THSD7B: variants seen among roughly 807,000 people sequenced by gnomAD.
THSD7B encodes thrombospondin type 1 domain containing 7B, also known as thrombospondin type-1 domain-containing protein 7B.
In THSD7B, 138 loss-of-function variants were observed where a neutral mutation model predicts 213.6. The ratio of observed to expected loss-of-function variants is 0.65; its 90% CI spans 0.56 to 0.74. THSD7B has a LOEUF of 0.74. Ranked by LOEUF, THSD7B falls within the 30% of genes least tolerant of loss-of-function variation. THSD7B has a pLI of 0.00. For missense variants in THSD7B, 1,931 were observed against 1,991.5 expected (o/e 0.97, Z 0.58); for synonymous variants, 742 against 687.0 (o/e 1.08, Z -1.25).
chr2:137,239,384 T>C (rs970978221), intron 9 of THSD7B, among the ~76,000 whole-genome samples: 6 of 152,170 alleles, frequency 3.9e-5, no homozygotes, highest in Middle Eastern at 3.2e-3. Context: ...AGGTGAACAG[T>C]TGGAAGCCTT....
chr2:137,431,817 T>A (rs1687191856), intron 14 of THSD7B, among the ~76,000 whole-genome samples: 1 of 152,158 alleles, frequency 6.6e-6, no homozygotes, highest in Non-Finnish European at 1.5e-5. Flanking sequence ...ATTTCTGTAA[T>A]TTTAGATTTG....
chr2:137,314,649 T>C (rs1473020855), intron 12 of THSD7B, among the ~76,000 whole-genome samples: 6 of 152,238 alleles, frequency 3.9e-5, no homozygotes, highest in Non-Finnish European at 8.8e-5. Flanking sequence ...TATCTACTTT[T>C]GGTCTTTGAT....
chr2:136,772,660 C>T (rs1681529367), intron 1 of THSD7B, among the ~76,000 whole-genome samples: 1 of 152,026 alleles, frequency 6.6e-6, no homozygotes, highest in Non-Finnish European at 1.5e-5. Flanking sequence ...CTGGTGGGTG[C>T]CTGGGTCACT....
chr2:136,962,699 G>A (rs564790007), intron 2 of THSD7B, among the ~76,000 whole-genome samples: 1 of 152,194 alleles, frequency 6.6e-6, no homozygotes, highest in South Asian at 2.1e-4. Flanking sequence ...AGTTTAGAAA[G>A]AAGTACACAA....
intron 15 of THSD7B, among the ~76,000 whole-genome samples, chr2:137,557,055 AC>A (rs1680986616): frequency 6.6e-6 from 1 of 152,290 alleles, no homozygotes; most frequent in East Asian, 1.9e-4. Flanking sequence ...GTCCTTAGAG[AC>A]CTACAAAGAG....
intron 7 of THSD7B, among the ~76,000 whole-genome samples, chr2:137,192,533 G>C (rs1558953114): frequency 6.6e-6 from 1 of 152,138 alleles, no homozygotes; most frequent in African/African-American, 2.4e-5. Context: ...AAAATTCTAA[G>C]TAGAAAGAAT....
At chr2:137,402,635 G>C (rs773628242) in intron 12 of THSD7B, among the ~76,000 whole-genome samples, 60 of 151,932 alleles carry the variant, frequency 3.9e-4, no homozygotes, top group Non-Finnish European at 7.2e-4. Context: ...TGGCCAACAT[G>C]ATGAAACCCC....
At chr2:137,143,284 G>C (rs957210626) in intron 5 of THSD7B, among the ~76,000 whole-genome samples, 4 of 152,088 alleles carry the variant, frequency 2.6e-5, no homozygotes, top group African/African-American at 9.7e-5. Flanking sequence ...CAGTTTTTGT[G>C]TGTGTAAATC....
chr2:137,332,231 A>C lies in THSD7B; in HGVS notation c.2500+56205A>C, dbSNP rs572150651. ...CCACGGGACAGAGCAGCTGAAGGCCATTGGAGCCTACCTCTCACCTCAGCA... is the reference window on the plus strand; with the variant it reads ...CCACGGGACAGAGCAGCTGAAGGCCCTTGGAGCCTACCTCTCACCTCAGCA... On this transcript the variant is annotated intron_variant, in intron 12 of 27. Transcript: ENST00000409968. Among the ~76,000 whole-genome samples the C allele has an allele frequency of 2.0e-5, 3 of 152,248 alleles. No homozygotes were observed. The East Asian group carries it at 5.8e-4, about 30-fold the overall frequency.
intron 2 of THSD7B, among the ~76,000 whole-genome samples, chr2:136,935,470 G>C (rs1368168198): frequency 6.6e-6 from 1 of 151,974 alleles, no homozygotes; most frequent in Non-Finnish European, 1.5e-5. Flanking sequence ...CATGATGTAG[G>C]GAATAAAACT....
intron 20 of THSD7B, among the ~76,000 whole-genome samples, chr2:137,641,316 T>C (rs1444664601): frequency 3.3e-5 from 5 of 152,224 alleles, no homozygotes; most frequent in Non-Finnish European, 7.3e-5. Flanking sequence ...TGGCGTACTC[T>C]CTCTGCACAT....
intron 20 of THSD7B, among the ~76,000 whole-genome samples, chr2:137,631,930 G>A (rs1682748955): frequency 6.6e-6 from 1 of 152,086 alleles, no homozygotes; most frequent in African/African-American, 2.4e-5. Flanking sequence ...AATACCTGTT[G>A]GTCAAGGGTA....
chr2:137,289,570 A>C (rs1025211014), intron 12 of THSD7B, among the ~76,000 whole-genome samples: 1 of 152,136 alleles, frequency 6.6e-6, no homozygotes, highest in African/African-American at 2.4e-5. Flanking sequence ...AGACAGAAAA[A>C]TGATTTGGCA....
At position 137,107,756 on chromosome 2, in the gene THSD7B, C is replaced by T. The variant is rs1337372730; in HGVS notation, c.1200-7368C>T. Among the ~76,000 whole-genome samples the T allele has an allele frequency of 2.6e-5, 4 of 152,128 alleles. No homozygotes were observed. In the East Asian group the frequency reaches 5.8e-4, roughly 22 times the overall value. The stretch of plus-strand genomic sequence containing the variant: ...TCCCCAGTTAGTGTAAGAAAGTTAA[C>T]GTACTGCTAAGTGCTGTATATGGCG... On this transcript the variant is annotated intron_variant, in intron 4 of 27. Coordinates refer to ENST00000409968, the MANE Select transcript of THSD7B (RefSeq NM_001316349.2).
chr2:136,942,724 T>A (rs1684849771), intron 2 of THSD7B, among the ~76,000 whole-genome samples: 1 of 152,256 alleles, frequency 6.6e-6, no homozygotes, highest in Non-Finnish European at 1.5e-5. Flanking sequence ...TTGCTGAAGT[T>A]GCTTATCAGC....
chr2:137,617,451 A>G (rs1682427516), intron 18 of THSD7B, among the ~76,000 whole-genome samples: 1 of 152,210 alleles, frequency 6.6e-6, no homozygotes, highest in Non-Finnish European at 1.5e-5. Context: ...TTGTAATATG[A>G]CTAGCCAAAT....
chr2:137,165,525 CTGTG>C (rs1680109641), intron 6 of THSD7B, among the ~76,000 whole-genome samples: 2 of 152,070 alleles, frequency 1.3e-5, no homozygotes. Flanking sequence ...CATGATTCTA[CTGTG>C]AGTAGAATCA....
chr2:137,337,535 T>G (rs376961628), intron 12 of THSD7B, among the ~76,000 whole-genome samples: 43 of 152,106 alleles, frequency 2.8e-4, no homozygotes, highest in African/African-American at 9.7e-4. Context: ...CACCGTTAAG[T>G]GACAAATTTT....
chr2:137,378,315 T>C (rs527296589), intron 12 of THSD7B, among the ~76,000 whole-genome samples: 14 of 152,292 alleles, frequency 9.2e-5, no homozygotes, highest in African/African-American at 3.1e-4. Context: ...AAAGAGGCAA[T>C]CTAAAAGGAA....
Sources: allele counts gnomAD v4.1 joint callset (sites outside exome capture counted in the v4.1 genomes callset), GRCh38; gene constraint gnomAD v4.1.1; transcripts MANE v1.5; gene names NCBI Gene and HGNC (gene_info 2026-07-23, HGNC 2026-07-21).